The following GRIA4 variants were observed in gnomAD, a reference collection of about 807,000 sequenced individuals.
GRIA4 encodes glutamate receptor 4.
In GRIA4, 34 loss-of-function variants were observed where a neutral mutation model predicts 104.0. The observed-to-expected ratio is 0.33, with a 90% CI of 0.25 to 0.44. The LOEUF (loss-of-function observed/expected upper bound fraction) is 0.44, where lower values mean the gene tolerates loss of function less well. Among genes scored for constraint, GRIA4 ranks in the 20% least tolerant of loss-of-function variants. The pLI is 1.00. For missense variants in GRIA4, 750 were observed against 1,096.5 expected (o/e 0.68, Z 4.46); for synonymous variants, 386 against 381.9 (o/e 1.01, Z -0.13).
intron 3 of GRIA4, among the ~76,000 whole-genome samples, chr11:105,648,849 T>C (rs902591048): frequency 2.6e-5 from 4 of 152,216 alleles, no homozygotes; most frequent in Admixed American, 2.6e-4. Context: ...AAACCAGTCA[T>C]TAAATAAAAA....
intron 3 of GRIA4, among the ~76,000 whole-genome samples, chr11:105,639,632 C>T (rs1027317013): frequency 1.1e-4 from 16 of 151,924 alleles, no homozygotes; most frequent in African/African-American, 2.4e-4. Flanking sequence ...ATACTTTTCA[C>T]ATTAAAATAA....
At chr11:105,901,827 GA>G (rs1280192072) in intron 7 of GRIA4, among the ~76,000 whole-genome samples, 1 of 152,074 alleles carries the variant, frequency 6.6e-6, no homozygotes, top group Admixed American at 6.5e-5. Flanking sequence ...TCTTCCTGTT[GA>G]AAAAGTGGCA....
In GRIA4 at chr11:105,926,910, G is replaced by T. The variant is rs1215275777; in HGVS notation, c.2017G>T (p.Asp673Tyr). 6.2e-7 allele frequency: 1 copy of T among 1,610,870 alleles called. No individual in the cohort carries two copies. The highest frequency in any genetic ancestry group is 8.5e-7 in the Non-Finnish European group (1 of 1,177,498). Reference protein sequence around the residue: ...KQTEIAYGTLDSGSTKEFFRR... With the variant: ...KQTEIAYGTLYSGSTKEFFRR... ...AACAGAAATTGCCTATGGAACACTG[G>T]ATTCAGGATCAACAAAAGAATTCTT... Residue 673 changes from aspartate to tyrosine, a missense_variant, in exon 13 of 17, where the codon GAT (aspartate) becomes TAT (tyrosine). Physicochemically the swap from Asp to Tyr is radical, Grantham distance 160 (BLOSUM62 -3). Transcript: ENST00000282499.
intron 14 of GRIA4, among the ~76,000 whole-genome samples, chr11:105,949,195 T>C (rs924925275): frequency 2.6e-5 from 4 of 152,186 alleles, no homozygotes; most frequent in Non-Finnish European, 5.9e-5. Context: ...ATAGCTAATG[T>C]CAATAATATG....
chr11:105,972,163 T>C, intron 15 of GRIA4, 135 bp downstream of exon 15: 1 of 526,058 alleles, frequency 1.9e-6, no homozygotes, highest in Non-Finnish European at 3.5e-6. Context: ...GCTAATGTCA[T>C]AAATTTCAAC....
intron 4 of GRIA4, among the ~76,000 whole-genome samples, chr11:105,808,659 A>C (rs1353285397): frequency 6.6e-6 from 1 of 152,112 alleles, no homozygotes; most frequent in East Asian, 1.9e-4. Flanking sequence ...GATTTTGATC[A>C]AAAATATATT....
intron 4 of GRIA4, among the ~76,000 whole-genome samples, chr11:105,830,119 G>A (rs1383959870): frequency 2.0e-5 from 3 of 151,936 alleles, no homozygotes; most frequent in African/African-American, 7.2e-5. Flanking sequence ...AGATCTTCCA[G>A]TGCTCTTGAC....
chr11:105,786,070 G>A (rs1468152311), intron 4 of GRIA4, among the ~76,000 whole-genome samples: 3 of 150,986 alleles, frequency 2.0e-5, no homozygotes, highest in African/African-American at 7.3e-5. Context: ...GCTTGACCCC[G>A]GGAGGTGGAG....
chr11:105,813,459 C>G (rs1449631625), intron 4 of GRIA4, among the ~76,000 whole-genome samples: 1 of 152,142 alleles, frequency 6.6e-6, no homozygotes, highest in East Asian at 1.9e-4. Flanking sequence ...CCTGCTTGTA[C>G]TTTATGAATG....
chr11:105,762,650 C>G (rs767114650), intron 4 of GRIA4, among the ~76,000 whole-genome samples: 1 of 152,154 alleles, frequency 6.6e-6, no homozygotes, highest in Admixed American at 6.6e-5. Flanking sequence ...TGGTTTGAAT[C>G]ATGGGGATGG....
chr11:105,941,349 G>A (rs1480850532), intron 14 of GRIA4, among the ~76,000 whole-genome samples: 2 of 152,024 alleles, frequency 1.3e-5, no homozygotes, highest in Non-Finnish European at 2.9e-5. Context: ...CAAAAACTTT[G>A]TGAAGCCATT....
At chr11:105,766,975 C>T (rs1940975070) in intron 4 of GRIA4, among the ~76,000 whole-genome samples, 1 of 152,112 alleles carries the variant, frequency 6.6e-6, no homozygotes, top group Non-Finnish European at 1.5e-5. Flanking sequence ...ACCTACAGCA[C>T]ATTTTATCTC....
intron 3 of GRIA4, among the ~76,000 whole-genome samples, chr11:105,677,541 C>G (rs554703356): frequency 3.9e-5 from 6 of 151,958 alleles, no homozygotes; most frequent in African/African-American, 1.4e-4. Flanking sequence ...GTTTATTCAT[C>G]TATCTCCTAC....
chr11:105,973,113 C>T (rs1446115108), intron 15 of GRIA4, among the ~76,000 whole-genome samples: 2 of 152,114 alleles, frequency 1.3e-5, no homozygotes, highest in African/African-American at 4.8e-5. Context: ...AGTGCAAATA[C>T]TTAATGAGTA....
chr11:105,915,566 CT>C (rs1198131675), intron 10 of GRIA4, among the ~76,000 whole-genome samples: 9 of 152,148 alleles, frequency 5.9e-5, no homozygotes, highest in African/African-American at 2.2e-4. Flanking sequence ...TTAGGAAACA[CT>C]GATAGGCCAG....
chr11:105,964,089 C>CT (rs1208441600), intron 14 of GRIA4, among the ~76,000 whole-genome samples: 1 of 151,904 alleles, frequency 6.6e-6, no homozygotes, highest in African/African-American at 2.4e-5. Flanking sequence ...AAAACAATTC[C>CT]TTTTTTCCCA....
rs936112444 is a variant in GRIA4 at position 105,871,145 on chromosome 11, T to C, written c.672+8937T>C. ...GGAAGCCACACAATAAAGGAACAAA[T>C]ATATAATGCCATATAGTGATAATGA... On this transcript the variant is annotated intron_variant, in intron 5 of 16. Coordinates refer to ENST00000282499, the MANE Select transcript of GRIA4 (RefSeq NM_000829.4). 7.2e-5 allele frequency among the ~76,000 whole-genome samples: 11 copies of C among 152,224 alleles called. No homozygotes were observed. In the Middle Eastern group the frequency reaches 0.01, roughly 141 times the overall value.
intron 13 of GRIA4, among the ~76,000 whole-genome samples, chr11:105,929,755 T>C (rs1425579390): frequency 6.6e-6 from 1 of 152,086 alleles, no homozygotes; most frequent in African/African-American, 2.4e-5. Context: ...CGGATAGCAA[T>C]GTAAACATTA....
At position 105,658,179 on chromosome 11, in the gene GRIA4, G is replaced by A. The variant is rs866087963; in HGVS notation, c.247+45745G>A. On this transcript the variant is annotated intron_variant, in intron 3 of 16. Transcript: ENST00000282499. ...TGGTCTTTCCTCATTCCAATTATCAGTACTATTATTGAAATAGGTATAGAA... is the reference window on the plus strand; with the variant it reads ...TGGTCTTTCCTCATTCCAATTATCAATACTATTATTGAAATAGGTATAGAA... 2.0e-5 allele frequency among the ~76,000 whole-genome samples: 3 copies of A among 151,524 alleles called. No individual in the cohort carries two copies. The South Asian group carries it at 6.2e-4, about 31-fold the overall frequency.
Sources: gnomAD v4.1 joint callset for allele counts (sites outside exome capture counted in the v4.1 genomes callset) on GRCh38, gnomAD v4.1.1 for gene constraint, MANE v1.5 for transcripts, NCBI Gene and HGNC (gene_info 2026-07-23, HGNC 2026-07-21) for gene names.